Variants in ARHGAP26 observed in about 807,000 individuals in gnomAD.
The protein encoded by ARHGAP26 is rho GTPase-activating protein 26.
ARHGAP26 carries 38 observed loss-of-function variants against 104.8 expected under a neutral mutation model. The observed-to-expected ratio is 0.36, with a 90% CI of 0.28 to 0.48. The LOEUF (loss-of-function observed/expected upper bound fraction) is 0.48. Ranked by LOEUF, ARHGAP26 falls within the 20% of genes least tolerant of loss-of-function variation. ARHGAP26 has a pLI of 0.99. For missense variants in ARHGAP26, 704 were observed against 947.9 expected, an observed-to-expected ratio of 0.74 and a Z score of 3.38; for synonymous variants, 341 against 340.0, an observed-to-expected ratio of 1.00 and a Z score of -0.03.
intron 1 of ARHGAP26, among the ~76,000 whole-genome samples, chr5:142,804,518 G>C (rs1209378675): frequency 6.6e-6 from 1 of 152,130 alleles, no homozygotes; most frequent in Non-Finnish European, 1.5e-5. Flanking sequence ...TTGAGACCGA[G>C]TCTCACTGTG....
chr5:142,796,923 A>C (rs1391042709), intron 1 of ARHGAP26, among the ~76,000 whole-genome samples: 2 of 152,224 alleles, frequency 1.3e-5, no homozygotes, highest in Non-Finnish European at 2.9e-5. Flanking sequence ...AGGGATTGCC[A>C]ATGGGGTTCC....
chr5:143,207,489 A>G, intron 21 of ARHGAP26, 181 bp downstream of exon 21: 1 of 1,613,212 alleles, frequency 6.2e-7, no homozygotes, highest in Non-Finnish European at 8.5e-7. Context: ...ATCTCGGATG[A>G]TGACCAATCT....
At chr5:142,972,826 C>T (rs889536355) in intron 11 of ARHGAP26, among the ~76,000 whole-genome samples, 18 of 151,942 alleles carry the variant, frequency 1.2e-4, no homozygotes, top group Admixed American at 1.1e-3. Context: ...ACCTGGTAAT[C>T]ACTATTTTGT....
At chr5:143,006,316 C>CTGTTTTTTT (rs772059084) in intron 11 of ARHGAP26, among the ~76,000 whole-genome samples, 5 of 112,838 alleles carry the variant, frequency 4.4e-5, no homozygotes, top group East Asian at 3.1e-4. Context: ...AGTGTTTTTT[C>CTGTTTTTTT]TTTTTTTTTT....
intron 11 of ARHGAP26, chr5:143,011,094 C>T (rs1241185690): frequency 6.6e-6 from 1 of 152,364 alleles, no homozygotes; most frequent in East Asian, 1.9e-4. Flanking sequence ...ATCCTTATCT[C>T]CTACCCCTCT....
chr5:142,791,309 G>A lies in ARHGAP26; in HGVS notation c.154+20394G>A, dbSNP rs191516231. Among the ~76,000 whole-genome samples, 4 of 152,284 alleles carry A rather than the reference G, an allele frequency of 2.6e-5. No homozygotes were observed. In the South Asian group the frequency reaches 6.2e-4, roughly 24 times the overall value. On this transcript the variant is annotated intron_variant, in intron 1 of 22. Transcript: ENST00000645722. ...AAAGAAGCAAGAATCAGAACTAAGT[G>A]TAGATTAATGCTGTCACCAGCCTCC... is the stretch of plus-strand genomic sequence containing the variant.
intron 11 of ARHGAP26, among the ~76,000 whole-genome samples, chr5:142,970,298 G>A (rs1772070373): frequency 6.6e-6 from 1 of 152,214 alleles, no homozygotes; most frequent in African/African-American, 2.4e-5. Flanking sequence ...TGAAATAAAT[G>A]GAGTAGTTTT....
chr5:142,777,195 C>A (rs1756500069), intron 1 of ARHGAP26, among the ~76,000 whole-genome samples: 1 of 152,136 alleles, frequency 6.6e-6, no homozygotes, highest in Admixed American at 6.6e-5. Flanking sequence ...TTTCCATGTG[C>A]TTCAACCTTA....
chr5:143,020,632 C>CTTTTTTTTTTTTTTTTTTTTTTTTTTTTT (rs11357774), intron 12 of ARHGAP26, among the ~76,000 whole-genome samples: 1 of 61,708 alleles, frequency 1.6e-5, no homozygotes, highest in Non-Finnish European at 2.8e-5. Flanking sequence ...TGCTCTAGTG[C>CTTTTTTTTTTTTTTTTTTTTTTTTTTTTT]TTTTTTTTTT....
intron 20 of ARHGAP26, among the ~76,000 whole-genome samples, chr5:143,189,727 A>G (rs1010727678): frequency 2.0e-5 from 3 of 152,334 alleles, no homozygotes; most frequent in East Asian, 3.9e-4. Flanking sequence ...TATAAGAATC[A>G]GATATTTAAA....
chr5:143,041,744 G>A (rs1303726987), intron 13 of ARHGAP26, 72 bp from the exon 14 acceptor site: 3 of 896,714 alleles, frequency 3.3e-6, no homozygotes, highest in Middle Eastern at 2.4e-4. Flanking sequence ...AAAAAAAAGT[G>A]CATTTGGCTG....
intron 17 of ARHGAP26, among the ~76,000 whole-genome samples, chr5:143,063,751 T>C (rs184802284): frequency 5.9e-5 from 9 of 152,340 alleles, no homozygotes; most frequent in African/African-American, 2.2e-4. Context: ...GGCTACCTCA[T>C]TCTTCTAGCT....
At chr5:143,155,332 A>G (rs1426124950) in intron 20 of ARHGAP26, among the ~76,000 whole-genome samples, 1 of 151,892 alleles carries the variant, frequency 6.6e-6, no homozygotes, top group African/African-American at 2.4e-5. Context: ...TTTCCTTGAC[A>G]TTTTCAGTTT....
Position 143,015,345 on chromosome 5 carries a change from G to A in ARHGAP26, c.1144+1229G>A, listed in dbSNP as rs144536333. On this transcript the variant is annotated intron_variant, in intron 12 of 22. Transcript: ENST00000645722. The stretch of plus-strand genomic sequence containing the variant: ...ATGTAAGGCTGTATGGTAGCTCATA[G>A]TAAGGTCAGAGGAGCTGAAAAGCTA... Among the ~76,000 whole-genome samples the A allele has an allele frequency of 4.1e-3, 626 of 152,338 alleles. 7 individuals are homozygous for A. The highest frequency in any genetic ancestry group is 0.015 in the African/African-American group (611 of 41,574).
chr5:142,991,222 A>C (rs960520452), intron 11 of ARHGAP26, among the ~76,000 whole-genome samples: 3 of 152,176 alleles, frequency 2.0e-5, no homozygotes, highest in African/African-American at 7.2e-5. Context: ...CTGCTGTGCT[A>C]GTGGTGAGCA....
In ARHGAP26 at chr5:143,227,916, C is replaced by T. The variant is rs1033721880; in HGVS notation, c.*5470C>T. On this transcript the variant is annotated 3_prime_UTR_variant, in exon 23 of 23. Coordinates refer to ENST00000645722, the MANE Select transcript of ARHGAP26 (RefSeq NM_001135608.3). Reference sequence around the variant, plus strand: ...GCTAATATTTTTACAAAAGTTGTGCCAGACATTACAGAGTGAAAACGTCTC... The same window carrying T: ...GCTAATATTTTTACAAAAGTTGTGCTAGACATTACAGAGTGAAAACGTCTC... 5 of 220,970 alleles carry T rather than the reference C, an allele frequency of 2.3e-5. No homozygotes were observed. Among genetic ancestry groups the T allele is most frequent in the African/African-American group, 1.1e-4 (5 of 44,642 alleles). The allele number at this position is 220,970 out of a possible 1,614,324, so 13.7% of individuals were successfully genotyped here. A position where few individuals can be genotyped will look rare whatever the true frequency, so the allele number is the denominator to read the frequency against.
At chr5:143,204,042 A>G (rs1808185902) in intron 20 of ARHGAP26, among the ~76,000 whole-genome samples, 1 of 150,952 alleles carries the variant, frequency 6.6e-6, no homozygotes, top group Non-Finnish European at 1.5e-5. Flanking sequence ...CATTCTGCAC[A>G]TGTATCCCAG....
intron 11 of ARHGAP26, among the ~76,000 whole-genome samples, chr5:142,968,877 T>A (rs1771810779): frequency 6.6e-6 from 1 of 152,260 alleles, no homozygotes; most frequent in African/African-American, 2.4e-5. Context: ...TAATGAATTG[T>A]GTTGATTCCA....
Position 143,134,125 on chromosome 5 carries a change from G to C in ARHGAP26, c.1837+20G>C. ...AGAAACGTGAGTCTTTGCTGCATAG[G>C]GCCAGCGTGGCATTCAGGGACATCC... On this transcript the variant is annotated intron_variant, in intron 19 of 22. Coordinates refer to ENST00000645722, the MANE Select transcript of ARHGAP26 (RefSeq NM_001135608.3). 1 of 1,593,866 alleles carries C rather than the reference G, an allele frequency of 6.3e-7. No individual in the cohort carries two copies. The highest frequency in any genetic ancestry group is 1.7e-4 in the Middle Eastern group (1 of 5,980).
Sources: allele counts gnomAD v4.1 joint callset (sites outside exome capture counted in the v4.1 genomes callset), GRCh38; gene constraint gnomAD v4.1.1; transcripts MANE v1.5; gene names NCBI Gene and HGNC (gene_info 2026-07-23, HGNC 2026-07-21).